Variants in SSBP3 observed in about 807,000 individuals in gnomAD.
The protein encoded by SSBP3 is single stranded DNA binding protein 3, also known as single-stranded DNA-binding protein 3.
Under a neutral mutation model 69.6 loss-of-function variants are expected in SSBP3, and 5 were observed. The ratio of observed to expected loss-of-function variants is 0.07; its 90% CI spans 0.04 to 0.15. The LOEUF (loss-of-function observed/expected upper bound fraction) is 0.15. Among genes scored for constraint, SSBP3 ranks in the 10% least tolerant of loss-of-function variants. The probability of loss-of-function intolerance (pLI) is 1.00; values close to 1 mark genes in which losing one functional copy is unlikely to be tolerated. For synonymous variants in SSBP3, 196 were observed against 193.4 expected, an observed-to-expected ratio of 1.01 and a Z score of -0.11; for missense variants, 312 against 534.0, an observed-to-expected ratio of 0.58 and a Z score of 4.10.
exon 12 of SSBP3, chr1:54,241,492 TGAG>T: frequency 1.2e-6 from 2 of 1,614,078 alleles, no homozygotes; most frequent in Non-Finnish European, 1.7e-6. Flanking sequence ...TACCAGGTGA[TGAG>T]GAGGAGTATG....
chr1:54,370,919 G>C (rs1180892248), intron 4 of SSBP3, among the ~76,000 whole-genome samples: 3 of 151,916 alleles, frequency 2.0e-5, no homozygotes, highest in Non-Finnish European at 2.9e-5. Flanking sequence ...TGTCTTTGGT[G>C]TTCTTCCTGA....
At chr1:54,314,617 T>C (rs899321629) in intron 4 of SSBP3, among the ~76,000 whole-genome samples, 1 of 152,238 alleles carries the variant, frequency 6.6e-6, no homozygotes, top group African/African-American at 2.4e-5. Flanking sequence ...TTGAACATGC[T>C]TCCCTAGACA....
At chr1:54,301,639 G>A (rs767505320) in intron 4 of SSBP3, among the ~76,000 whole-genome samples, 8 of 152,198 alleles carry the variant, frequency 5.3e-5, no homozygotes, top group Admixed American at 3.9e-4. Flanking sequence ...AAGAACAAAT[G>A]GGAAGGGGGA....
chr1:54,357,278 G>A (rs1331484818), intron 4 of SSBP3, among the ~76,000 whole-genome samples: 1 of 152,116 alleles, frequency 6.6e-6, no homozygotes, highest in Non-Finnish European at 1.5e-5. Context: ...GGCCCAGGGT[G>A]GGCACTCGAC....
At chr1:54,282,509 T>C (rs1038373502) in intron 4 of SSBP3, among the ~76,000 whole-genome samples, 2 of 152,228 alleles carry the variant, frequency 1.3e-5, no homozygotes, top group African/African-American at 4.8e-5. Flanking sequence ...CTGGTATATC[T>C]GCCTCAACAA....
intron 14 of SSBP3, chr1:54,238,776 G>A: frequency 3.5e-6 from 1 of 284,318 alleles, no homozygotes; most frequent in South Asian, 3.1e-5. Context: ...CAGGAGGAGA[G>A]GGATTGCCCG....
At chr1:54,393,664 G>A (rs753348252) in intron 4 of SSBP3, among the ~76,000 whole-genome samples, 3 of 152,084 alleles carry the variant, frequency 2.0e-5, no homozygotes, top group Non-Finnish European at 2.9e-5. Context: ...AAAAATGACA[G>A]CACACATTTA....
At chr1:54,308,649 T>G (rs1243817696) in intron 4 of SSBP3, among the ~76,000 whole-genome samples, 3 of 146,720 alleles carry the variant, frequency 2.0e-5, no homozygotes. Flanking sequence ...ACACCTGTAA[T>G]CCCTGTCACA....
intron 12 of SSBP3, 83 bp from the exon 13 acceptor site, chr1:54,241,042 G>T: frequency 6.9e-7 from 1 of 1,456,692 alleles, no homozygotes; most frequent in Non-Finnish European, 9.4e-7. Flanking sequence ...TCCCTGGTCA[G>T]CAGCAACTGC....
chr1:54,400,990 T>C (rs1163977661), intron 4 of SSBP3, among the ~76,000 whole-genome samples: 6 of 152,202 alleles, frequency 3.9e-5, no homozygotes, highest in African/African-American at 1.2e-4. Flanking sequence ...TATATGGACA[T>C]GCTTAACTGT....
intron 13 of SSBP3, among the ~76,000 whole-genome samples, chr1:54,239,996 T>C (rs916872549): frequency 6.6e-6 from 1 of 152,038 alleles, no homozygotes; most frequent in African/African-American, 2.4e-5. Context: ...GAATTCCTTC[T>C]AGCTGGCTGG....
chr1:54,387,813 C>A (rs1648198787), intron 4 of SSBP3, among the ~76,000 whole-genome samples: 1 of 152,162 alleles, frequency 6.6e-6, no homozygotes. Context: ...TCAGAGTGAG[C>A]TTCAGCTCTA....
At chr1:54,240,043 ATGGGGTG>A (rs1644578507) in intron 13 of SSBP3, among the ~76,000 whole-genome samples, 2 of 108,716 alleles carry the variant, frequency 1.8e-5, no homozygotes, top group East Asian at 2.4e-4. Context: ...CATAATTGTG[ATGGGGTG>A]TGTGTGTGTG....
chr1:54,406,841 C>T (rs1019456264), upstream of SSBP3, among the ~76,000 whole-genome samples: 20 of 149,970 alleles, frequency 1.3e-4, no homozygotes, highest in Non-Finnish European at 2.4e-4. Flanking sequence ...ATCTGCCCCT[C>T]AGCTCCCCCC....
intron 4 of SSBP3, among the ~76,000 whole-genome samples, chr1:54,387,525 T>A (rs1054557209): frequency 1.3e-5 from 2 of 152,160 alleles, no homozygotes; most frequent in African/African-American, 4.8e-5. Context: ...CCATTCAGAA[T>A]TAGGGAAAGA....
At chr1:54,256,074 T>TAA (rs578238303) in intron 7 of SSBP3, among the ~76,000 whole-genome samples, 7 of 141,998 alleles carry the variant, frequency 4.9e-5, no homozygotes, top group African/African-American at 1.8e-4. Context: ...AGACTCCGGT[T>TAA]AAAAAAAAAA....
chr1:54,337,175 C>T (rs1444333081), intron 4 of SSBP3, among the ~76,000 whole-genome samples: 1 of 152,210 alleles, frequency 6.6e-6, no homozygotes, highest in African/African-American at 2.4e-5. Flanking sequence ...GTGGAATCGG[C>T]CAGCAACCTC....
chr1:54,394,413 G>A (rs7539559), intron 4 of SSBP3, among the ~76,000 whole-genome samples: 3,614 of 151,074 alleles, frequency 0.024, 163 homozygotes, highest in African/African-American at 0.083. Flanking sequence ...CTGTATCTTG[G>A]TCTCTTAGAA....
intron 3 of SSBP3, among the ~76,000 whole-genome samples, chr1:54,404,160 G>A (rs963784096): frequency 6.6e-6 from 1 of 152,120 alleles, no homozygotes; most frequent in Non-Finnish European, 1.5e-5. Context: ...TTAAGGTTGT[G>A]AGCTCCCGAG....
Sources: gnomAD v4.1 joint callset for allele counts (sites outside exome capture counted in the v4.1 genomes callset) on GRCh38, gnomAD v4.1.1 for gene constraint, MANE v1.5 for transcripts, NCBI Gene and HGNC (gene_info 2026-07-23, HGNC 2026-07-21) for gene names.